The following TNFRSF11A variants were observed in gnomAD, a reference collection of about 807,000 sequenced individuals.
TNFRSF11A encodes the protein TNF receptor superfamily member 11a, also known as tumor necrosis factor receptor superfamily member 11A.
In TNFRSF11A, 32 loss-of-function variants were observed where a neutral mutation model predicts 55.7. The ratio of observed to expected loss-of-function variants is 0.57; its 90% CI spans 0.43 to 0.77. TNFRSF11A has a LOEUF of 0.77. TNFRSF11A is among the 30% of genes least tolerant of loss of function. TNFRSF11A has a pLI of 0.00. For synonymous variants in TNFRSF11A, 311 were observed against 331.0 expected (o/e 0.94, Z 0.65); for missense variants, 753 against 809.8 (o/e 0.93, Z 0.85).
At position 62,350,030 on chromosome 18, in the gene TNFRSF11A, T is replaced by C. The variant is rs143661838; in HGVS notation, c.283+93T>C. 267 of 1,558,510 alleles carry C rather than the reference T, an allele frequency of 1.7e-4. No individual in the cohort carries two copies. The African/African-American group carries it at 3.2e-3, about 19-fold the overall frequency. On this transcript the variant is annotated intron_variant, in intron 3 of 9. Transcript: ENST00000586569. ...ATTTTTAGAGGCAGCCAATGATGTT[T>C]CGTTTCAGGAACATGAAAGGAAGTT...
intron 9 of TNFRSF11A, among the ~76,000 whole-genome samples, chr18:62,371,665 A>G (rs1167689238): frequency 6.6e-6 from 1 of 152,178 alleles, no homozygotes; most frequent in Non-Finnish European, 1.5e-5. Context: ...TCGCCTGAGG[A>G]GAGGCAGCAG....
In TNFRSF11A at chr18:62,358,236, T is replaced by C; in HGVS notation, c.428-12T>C. Reference sequence around the variant, plus strand: ...GTTCTGTCTGGGTTGTTTTTTTTTTTTTTTCTCACAGTGCAGCTCAACAAG... The same window carrying C: ...GTTCTGTCTGGGTTGTTTTTTTTTTCTTTTCTCACAGTGCAGCTCAACAAG... On this transcript the variant is annotated splice_polypyrimidine_tract_variant and intron_variant, in intron 4 of 9. Transcript: ENST00000586569. 1 of 1,604,482 alleles carries C rather than the reference T, an allele frequency of 6.2e-7. No homozygotes were observed. Among genetic ancestry groups the C allele is most frequent in the Non-Finnish European group, 8.5e-7 (1 of 1,179,234 alleles).
intron 4 of TNFRSF11A, among the ~76,000 whole-genome samples, chr18:62,355,284 A>AT (rs1178667907): frequency 7.6e-4 from 114 of 149,406 alleles, no homozygotes; most frequent in African/African-American, 1.7e-3. Context: ...TATTTTATTT[A>AT]TTTTTTTTTT....
At chr18:62,342,134 C>G (rs533415082) in intron 1 of TNFRSF11A, among the ~76,000 whole-genome samples, 79 of 152,012 alleles carry the variant, frequency 5.2e-4, no homozygotes, top group African/African-American at 1.9e-3. Flanking sequence ...GGTGTGGTGT[C>G]TCACGCCTGT....
intron 9 of TNFRSF11A, among the ~76,000 whole-genome samples, chr18:62,370,453 C>T (rs914543523): frequency 6.6e-6 from 1 of 152,194 alleles, no homozygotes; most frequent in East Asian, 1.9e-4. Context: ...GCTTTTTCTT[C>T]TCTGCTTCTT....
rs913007334 is a variant in TNFRSF11A, at chr18:62,371,860, A to G, written c.1567+2376A>G. 7.2e-5 allele frequency among the ~76,000 whole-genome samples: 11 copies of G among 152,354 alleles called. No individual in the cohort carries two copies. In the East Asian group the frequency reaches 1.9e-3, roughly 27 times the overall value. ...GGAGCTTCGGTGAGCAGTCCTACAG[A>G]GGCCTTATCCCATGGTCCCCTCAAA... On this transcript the variant is annotated intron_variant, in intron 9 of 9. Coordinates refer to ENST00000586569, the MANE Select transcript of TNFRSF11A (RefSeq NM_003839.4).
At chr18:62,384,593 G>A (rs549967259) in intron 9 of TNFRSF11A, among the ~76,000 whole-genome samples, 158 bp from the exon 10 acceptor site, 142 of 148,802 alleles carry the variant, frequency 9.5e-4, no homozygotes, top group African/African-American at 3.4e-3. Context: ...GCCTTCCTCC[G>A]CCTCAGTGGG....
intron 1 of TNFRSF11A, among the ~76,000 whole-genome samples, chr18:62,344,143 A>G (rs982501121): frequency 1.3e-5 from 2 of 152,210 alleles, no homozygotes; most frequent in African/African-American, 4.8e-5. Flanking sequence ...GGCCGGTAAC[A>G]TGGGTTACCT....
intron 7 of TNFRSF11A, among the ~76,000 whole-genome samples, chr18:62,364,051 G>A (rs1909894082): frequency 6.6e-6 from 1 of 152,206 alleles, no homozygotes; most frequent in African/African-American, 2.4e-5. Context: ...TAGGCGTTAA[G>A]CCCACAGAGG....
At chr18:62,355,008 G>A (rs766994991) in intron 4 of TNFRSF11A, among the ~76,000 whole-genome samples, 11 of 152,208 alleles carry the variant, frequency 7.2e-5, no homozygotes, top group African/African-American at 1.4e-4. Flanking sequence ...TTATAACTGC[G>A]ATAACACTGA....
intron 4 of TNFRSF11A, among the ~76,000 whole-genome samples, chr18:62,355,344 C>T (rs1054306506): frequency 6.6e-6 from 1 of 152,042 alleles, no homozygotes; most frequent in Admixed American, 6.5e-5. Flanking sequence ...ATGGCACAAT[C>T]TCGGCTCACC....
intron 7 of TNFRSF11A, among the ~76,000 whole-genome samples, chr18:62,362,016 C>T (rs561722969): frequency 1.1e-4 from 17 of 152,284 alleles, no homozygotes; most frequent in Non-Finnish European, 2.1e-4. Flanking sequence ...AATACGCTGG[C>T]GTTCAGGAAA....
chr18:62,376,380 C>T, intron 9 of TNFRSF11A, among the ~76,000 whole-genome samples: 1 of 144,254 alleles, frequency 6.9e-6, no homozygotes, highest in South Asian at 2.2e-4. Context: ...GGAGAGGAGG[C>T]AAGAGGGGAG....
rs1600435874 is a variant in TNFRSF11A, at chr18:62,385,669, C to G, written c.*635C>G. 1.3e-5 allele frequency: 2 copies of G among 151,298 alleles called. No homozygotes were observed. The highest frequency in any genetic ancestry group is 2.0e-4 in the East Asian group (1 of 5,128). 9.4% of individuals were successfully genotyped at this position (151,298 alleles called of 1,614,324 possible). On this transcript the variant is annotated 3_prime_UTR_variant, in exon 10 of 10. Coordinates refer to ENST00000586569, the MANE Select transcript of TNFRSF11A (RefSeq NM_003839.4). ...AGCTTCCTCCCCCCGACTCCCCCCC[C>G]AGAGACACGGTCCCACCATGTTACC...
chr18:62,361,518 T>A (rs71352572), intron 6 of TNFRSF11A, among the ~76,000 whole-genome samples, 162 bp from the exon 7 acceptor site: 7 of 152,154 alleles, frequency 4.6e-5, no homozygotes, highest in Non-Finnish European at 1.0e-4. Flanking sequence ...CTTTGGAATG[T>A]GAGTGCTCGC....
At chr18:62,364,363 T>G (rs1568487618) in intron 7 of TNFRSF11A, among the ~76,000 whole-genome samples, 1 of 152,146 alleles carries the variant, frequency 6.6e-6, no homozygotes, top group Non-Finnish European at 1.5e-5. Context: ...CGAGACCATG[T>G]AGCGGCTGCT....
chr18:62,325,437 G>T lies in TNFRSF11A; in HGVS notation c.75+10G>T, dbSNP rs1755304122. The stretch of plus-strand genomic sequence containing the variant: ...GCTCGCCCGGCTGCAGGTAAGGAGC[G>T]CCCGCGCCTGCCGGGCCGCGCGGCC... On this transcript the variant is annotated intron_variant, in intron 1 of 9. Coordinates refer to ENST00000586569, the MANE Select transcript of TNFRSF11A (RefSeq NM_003839.4). This position sits in a 1 kb window ranked among gnomAD's most constrained non-coding sequence, Gnocchi z 4.7. 1 of 1,254,002 alleles carries T rather than the reference G, an allele frequency of 8.0e-7. No homozygotes were observed. The highest frequency in any genetic ancestry group is 1.6e-5 in the African/African-American group (1 of 62,344). The allele number at this position is 1,254,002 out of a possible 1,614,324, so 77.7% of individuals were successfully genotyped here. A position where few individuals can be genotyped will look rare whatever the true frequency, so the allele number is the denominator to read the frequency against.
chr18:62,384,078 C>A (rs62100862), intron 9 of TNFRSF11A, among the ~76,000 whole-genome samples: 1 of 147,800 alleles, frequency 6.8e-6, no homozygotes, highest in South Asian at 2.1e-4. Context: ...CACACACACA[C>A]AAATACACAT....
intron 9 of TNFRSF11A, among the ~76,000 whole-genome samples, chr18:62,371,232 C>T (rs1338856495): frequency 6.6e-6 from 1 of 152,224 alleles, no homozygotes; most frequent in African/African-American, 2.4e-5. Context: ...CTGTCTCTGG[C>T]AGCAGCCAGG....
Sources: allele counts gnomAD v4.1 joint callset (sites outside exome capture counted in the v4.1 genomes callset), GRCh38; gene constraint gnomAD v4.1.1; non-coding constraint Gnocchi (gnomAD v3.1); transcripts MANE v1.5; gene names NCBI Gene and HGNC (gene_info 2026-07-23, HGNC 2026-07-21).